CRAT: variants seen among roughly 807,000 people sequenced by gnomAD.
CRAT encodes the protein carnitine acetylase.
In CRAT, 66 loss-of-function variants were observed where a neutral mutation model predicts 73.7. The observed-to-expected ratio is 0.90, with a 90% CI of 0.73 to 1.10. The LOEUF (loss-of-function observed/expected upper bound fraction) is 1.10, where lower values mean the gene tolerates loss of function less well. CRAT is among the 50% of genes least tolerant of loss of function. The probability of loss-of-function intolerance (pLI) is 0.00; values close to 1 mark genes in which losing one functional copy is unlikely to be tolerated. For missense variants in CRAT, 745 were observed against 846.9 expected (o/e 0.88, Z 1.49); for synonymous variants, 321 against 343.2 (o/e 0.94, Z 0.71).
Position 129,107,451 on chromosome 9 carries a change from G to A in CRAT, c.291+363C>T. ...GTGTCATAGATCAGATACAGAACCT[G>A]GGCGATCGGTCACTGAGTGACACAT... On this transcript the variant is annotated intron_variant, in intron 2 of 13. Transcript: ENST00000318080. This position sits in a 1 kb window ranked among gnomAD's most constrained non-coding sequence, Gnocchi z 5.0. The A allele has an allele frequency of 1.7e-6, 1 of 597,704 alleles. No individual in the cohort carries two copies. Among genetic ancestry groups the A allele is most frequent in the Non-Finnish European group, 3.0e-6 (1 of 333,960 alleles). The allele number at this position is 597,704 out of a possible 1,614,324, so 37.0% of individuals were successfully genotyped here.
intron 8 of CRAT, among the ~76,000 whole-genome samples, chr9:129,099,043 C>T (rs1588445340): frequency 1.3e-5 from 2 of 151,684 alleles, no homozygotes; most frequent in Non-Finnish European, 2.9e-5. Context: ...GGAACGATCT[C>T]GGCTCACTGC....
At chr9:129,100,723 G>T in intron 6 of CRAT, 34 bp from the exon 7 acceptor site, 1 of 1,592,792 alleles carries the variant, frequency 6.3e-7, no homozygotes, top group East Asian at 2.3e-5. Flanking sequence ...GACGCAAAAT[G>T]GGGTCTCATG....
chr9:129,109,332 T>A, intron 1 of CRAT: 1 of 1,251,486 alleles, frequency 8.0e-7, no homozygotes, highest in Non-Finnish European at 1.1e-6. Flanking sequence ...CATCAGTGGA[T>A]GGGACAGCCA....
chr9:129,097,721 A>G (rs1161648125), intron 11 of CRAT: 4 of 395,694 alleles, frequency 1.0e-5, no homozygotes, highest in Non-Finnish European at 1.8e-5. Flanking sequence ...AAAAAACAAG[A>G]AAAAAAAAGA....
chr9:129,098,574 CG>C lies in CRAT; in HGVS notation c.1161del (p.Glu388ArgfsTer16). The C allele has an allele frequency of 6.2e-7, 1 of 1,600,906 alleles. No homozygotes were observed. Among genetic ancestry groups the C allele is most frequent in the South Asian group, 1.1e-5 (1 of 88,820 alleles). ...MPKKLRFNIT[P>X]EIKSDIEKAK... is the part of the protein sequence containing the mutation. ...GCCTTCTCGATGTCGCTCTTGATCT[CG>C]GGGGTGATGTTGAACCGCAGCTTCT... On this transcript the variant is annotated frameshift_variant, in exon 9 of 14. Coordinates refer to ENST00000318080, the MANE Select transcript of CRAT (RefSeq NM_000755.5). LOFTEE classifies it high-confidence loss of function.
At position 129,098,575 on chromosome 9, in the gene CRAT, G is replaced by T; in HGVS notation, c.1161C>A (p.Pro387=). 1 of 1,600,730 alleles carries T rather than the reference G, an allele frequency of 6.2e-7. No individual in the cohort carries two copies. Among genetic ancestry groups the T allele is most frequent in the Non-Finnish European group, 8.5e-7 (1 of 1,176,594 alleles). The change falls in exon 9 of 14, where the codon CCC becomes CCA. Residue 387 remains proline, a synonymous_variant. Coordinates refer to ENST00000318080, the MANE Select transcript of CRAT (RefSeq NM_000755.5). ...CCTTCTCGATGTCGCTCTTGATCTC[G>T]GGGGTGATGTTGAACCGCAGCTTCT... is the stretch of plus-strand genomic sequence containing the variant. ...MPKKLRFNIT[P]EIKSDIEKAK... is the part of the protein sequence containing the mutation.
chr9:129,110,580 C>T lies in CRAT; in HGVS notation c.-71G>A. 2.0e-6 allele frequency: 3 copies of T among 1,492,098 alleles called. No homozygotes were observed. Among genetic ancestry groups the T allele is most frequent in the Admixed American group, 4.4e-5 (2 of 45,774 alleles). 92.4% of individuals were successfully genotyped at this position (1,492,098 alleles called of 1,614,324 possible). A position where few individuals can be genotyped will look rare whatever the true frequency, so the allele number is the denominator to read the frequency against. On this transcript the variant is annotated 5_prime_UTR_variant, in exon 1 of 14. Transcript: ENST00000318080. This position sits in a 1 kb window ranked among gnomAD's most constrained non-coding sequence, Gnocchi z 5.3. ...CCGGGCAAAGTCCGCGCCGCCGCCG[C>T]CGCGGCTGGGGTCGGTGGGTCCTTG...
Position 129,104,318 on chromosome 9 carries a change from G to T in CRAT, c.292-12C>A, listed in dbSNP as rs1176668863. 1 of 1,606,666 alleles carries T rather than the reference G, an allele frequency of 6.2e-7. No individual in the cohort carries two copies. The highest frequency in any genetic ancestry group is 1.1e-5 in the South Asian group (1 of 90,914). On this transcript the variant is annotated splice_polypyrimidine_tract_variant and intron_variant, in intron 2 of 13. Coordinates refer to ENST00000318080, the MANE Select transcript of CRAT (RefSeq NM_000755.5). ...CACCACTCAGACAGCTGGGAAAAGTGCCAGAGCCTGTCAGGAGGGGTGCAT... is the reference window on the plus strand; with the variant it reads ...CACCACTCAGACAGCTGGGAAAAGTTCCAGAGCCTGTCAGGAGGGGTGCAT...
At chr9:129,098,459 C>A in intron 9 of CRAT, 72 bp downstream of exon 9, 1 of 1,589,978 alleles carries the variant, frequency 6.3e-7, no homozygotes, top group South Asian at 1.1e-5. Context: ...ACAGAGCTGG[C>A]ACAGGAGCCT....
chr9:129,103,177 G>A lies in CRAT; in HGVS notation c.411-111C>T, dbSNP rs1847798184. 5 of 944,860 alleles carry A rather than the reference G, an allele frequency of 5.3e-6. No individual in the cohort carries two copies. Among genetic ancestry groups the A allele is most frequent in the East Asian group, 2.4e-5 (1 of 41,360 alleles). The allele number at this position is 944,860 out of a possible 1,614,324, so 58.5% of individuals were successfully genotyped here. Reference sequence around the variant, plus strand: ...GTCTAGTCTTCCAGCCTCTCTCACCGCTTCCAGAAAGCCTGGGAGCGCAAG... The same window carrying A: ...GTCTAGTCTTCCAGCCTCTCTCACCACTTCCAGAAAGCCTGGGAGCGCAAG... On this transcript the variant is annotated intron_variant, in intron 3 of 13. Coordinates refer to ENST00000318080, the MANE Select transcript of CRAT (RefSeq NM_000755.5). The surrounding 1 kb of genome is among the most constrained non-coding windows in gnomAD (Gnocchi z 4.6).
intron 2 of CRAT, among the ~76,000 whole-genome samples, chr9:129,105,913 G>A (rs1481569681): frequency 7.2e-5 from 11 of 152,040 alleles, no homozygotes; most frequent in Non-Finnish European, 1.5e-4. Context: ...CATGTCTGGC[G>A]CTGCGCACAC....
Position 129,102,368 on chromosome 9 carries a change from G to A in CRAT, c.630+32C>T, listed in dbSNP as rs369061852. ...CCGGCTGTACTCCTGCAGCAGGGCCGGGGCTTGTAGGTGTGGGTGGGGGCC... is the reference window on the plus strand; with the variant it reads ...CCGGCTGTACTCCTGCAGCAGGGCCAGGGCTTGTAGGTGTGGGTGGGGGCC... On this transcript the variant is annotated intron_variant, in intron 5 of 13. Coordinates refer to ENST00000318080, the MANE Select transcript of CRAT (RefSeq NM_000755.5). The A allele has an allele frequency of 2.4e-5, 38 of 1,613,068 alleles. No individual in the cohort carries two copies. In the African/African-American group the frequency reaches 3.6e-4, roughly 15 times the overall value.
rs752905722 is a variant in CRAT, at chr9:129,097,251, C to T, written c.1526G>A (p.Arg509Gln). The T allele has an allele frequency of 1.5e-5, 24 of 1,557,812 alleles. No individual in the cohort carries two copies. The highest frequency in any genetic ancestry group is 2.0e-5 in the Admixed American group (1 of 51,216). Residue 509 changes from arginine (R) to glutamine (Q), a missense_variant and splice_region_variant, in exon 12 of 14, where the codon CGG becomes CAG. By Grantham distance (43) the Arg-to-Gln change is conservative. Coordinates refer to ENST00000318080, the MANE Select transcript of CRAT (RefSeq NM_000755.5). ...AVQAHRGYTD[R>Q]AIRGEAFDRH... ...GTAGGCACAAGCGGGCTCACTTACC[C>T]GGTCGGTGTAGCCTCGGTGGGCCTG...
chr9:129,104,772 T>C (rs1244270636), intron 2 of CRAT, among the ~76,000 whole-genome samples: 2 of 150,418 alleles, frequency 1.3e-5, no homozygotes, highest in East Asian at 3.9e-4. Flanking sequence ...ACCTGGCTAT[T>C]TTTTTGTATT....
chr9:129,096,270 G>T, intron 12 of CRAT, 135 bp from the exon 13 acceptor site: 1 of 1,160,930 alleles, frequency 8.6e-7, no homozygotes, highest in Non-Finnish European at 1.2e-6. Flanking sequence ...ATTCTGGCCA[G>T]AGAGAGCCTT....
In CRAT at chr9:129,097,233, C is replaced by T. The variant is rs1410912244; in HGVS notation, c.1527+17G>A. The T allele has an allele frequency of 6.5e-7, 1 of 1,548,814 alleles. No homozygotes were observed. The highest frequency in any genetic ancestry group is 1.4e-5 in the African/African-American group (1 of 73,662). On this transcript the variant is annotated intron_variant, in intron 12 of 13. Transcript: ENST00000318080. Reference sequence around the variant, plus strand: ...ACACTAAGGGACAAGTGAGTAGGCACAAGCGGGCTCACTTACCCGGTCGGT... The same window carrying T: ...ACACTAAGGGACAAGTGAGTAGGCATAAGCGGGCTCACTTACCCGGTCGGT...
At chr9:129,099,234 C>A (rs1198867270) in intron 8 of CRAT, among the ~76,000 whole-genome samples, 3 of 151,388 alleles carry the variant, frequency 2.0e-5, no homozygotes, top group Non-Finnish European at 4.4e-5. Context: ...CCTCTGCCTC[C>A]CGGGTTCAAG....
intron 2 of CRAT, 140 bp from the exon 3 acceptor site, chr9:129,104,446 C>A: frequency 7.9e-6 from 5 of 632,080 alleles, no homozygotes; most frequent in South Asian, 3.8e-5. Context: ...AGATCCAGAA[C>A]CCACCCTCCC....
chr9:129,108,110 C>A, intron 1 of CRAT, 33 bp from the exon 2 acceptor site: 3 of 1,497,620 alleles, frequency 2.0e-6, no homozygotes, highest in Non-Finnish European at 2.6e-6. Flanking sequence ...TTCATTCCCT[C>A]CCCGGCTCTG....
Sources: allele counts gnomAD v4.1 joint callset (sites outside exome capture counted in the v4.1 genomes callset), GRCh38; gene constraint gnomAD v4.1.1; non-coding constraint Gnocchi (gnomAD v3.1); transcripts MANE v1.5; gene names NCBI Gene and HGNC (gene_info 2026-07-23, HGNC 2026-07-21).